The following UBE2L3 variants were observed in gnomAD, a reference collection of about 807,000 sequenced individuals.
The protein encoded by UBE2L3 is ubiquitin conjugating enzyme E2 L3, also known as ubiquitin-conjugating enzyme E2 L3.
UBE2L3 carries 1 observed loss-of-function variant against 17.8 expected under a neutral mutation model. The observed-to-expected ratio is 0.06, with a 90% confidence interval of 0.02 to 0.27. The LOEUF is 0.27. UBE2L3 is among the 10% of genes least tolerant of loss of function. The pLI, the probability that UBE2L3 is intolerant of heterozygous loss-of-function variation, is 1.00. For synonymous variants in UBE2L3, 44 were observed against 68.5 expected, an observed-to-expected ratio of 0.64 and a Z score of 1.76; for missense variants, 40 against 192.6, an observed-to-expected ratio of 0.21 and a Z score of 4.69.
intron 1 of UBE2L3, among the ~76,000 whole-genome samples, chr22:21,574,955 ACT>A (rs61390364): frequency 0.08 from 12,038 of 150,738 alleles, 1,647 homozygotes; most frequent in African/African-American, 0.28. Context: ...ACAGAGTGAG[ACT>A]CTGTCTCAAA....
chr22:21,583,331 C>T (rs1044079029), intron 1 of UBE2L3, among the ~76,000 whole-genome samples: 2 of 152,184 alleles, frequency 1.3e-5, no homozygotes, highest in Admixed American at 6.5e-5. Context: ...AGCAGCGTTT[C>T]TCAGTTCTTT....
chr22:21,605,246 T>TTA (rs1434416868), intron 2 of UBE2L3, among the ~76,000 whole-genome samples: 1 of 152,156 alleles, frequency 6.6e-6, no homozygotes, highest in Non-Finnish European at 1.5e-5. Context: ...TAGGCAGGAG[T>TTA]GCAGTGGTGC....
intron 1 of UBE2L3, among the ~76,000 whole-genome samples, chr22:21,587,663 G>C (rs1928020548): frequency 6.6e-6 from 1 of 152,202 alleles, no homozygotes; most frequent in South Asian, 2.1e-4. Flanking sequence ...ACTGAGCACT[G>C]GCTATATACA....
intron 1 of UBE2L3, among the ~76,000 whole-genome samples, chr22:21,560,010 C>G (rs1229013576): frequency 6.6e-6 from 1 of 152,286 alleles, no homozygotes; most frequent in Non-Finnish European, 1.5e-5. Flanking sequence ...AGCTCTCTGG[C>G]TGGGGCCCCC....
intron 3 of UBE2L3, among the ~76,000 whole-genome samples, chr22:21,616,946 C>T (rs894668864): frequency 6.6e-6 from 1 of 151,830 alleles, no homozygotes; most frequent in African/African-American, 2.4e-5. Context: ...CACGGTGGCT[C>T]ATGTCTGTAA....
At chr22:21,602,655 T>A (rs2148433049) in intron 2 of UBE2L3, among the ~76,000 whole-genome samples, 1 of 152,348 alleles carries the variant, frequency 6.6e-6, no homozygotes, top group Middle Eastern at 3.4e-3. Context: ...GGCAAAGAGC[T>A]TCCTCTTAGT....
At chr22:21,609,062 TTTTTTTTTGTA>T (rs1929335186) in intron 2 of UBE2L3, among the ~76,000 whole-genome samples, 1 of 150,812 alleles carries the variant, frequency 6.6e-6, no homozygotes, top group African/African-American at 2.4e-5. Context: ...GTCCAGCTAA[TTTTTTTTTGTA>T]TTTTTAGTAG....
chr22:21,555,618 C>T (rs1926196931), intron 1 of UBE2L3, among the ~76,000 whole-genome samples: 1 of 151,688 alleles, frequency 6.6e-6, no homozygotes, highest in South Asian at 2.1e-4. Flanking sequence ...GTGCAAGACT[C>T]CATCTCAAAA....
upstream of UBE2L3, among the ~76,000 whole-genome samples, chr22:21,562,736 AC>A (rs1926489291): frequency 7.7e-6 from 1 of 130,454 alleles, no homozygotes; most frequent in African/African-American, 3.0e-5. Context: ...CAATCTCCTG[AC>A]CTCGTGATCC....
intron 1 of UBE2L3, among the ~76,000 whole-genome samples, chr22:21,585,912 C>T (rs1927910129): frequency 6.6e-6 from 1 of 151,960 alleles, no homozygotes; most frequent in Non-Finnish European, 1.5e-5. Context: ...GGGGAAGGGT[C>T]GTCTAGTGCT....
intron 2 of UBE2L3, among the ~76,000 whole-genome samples, chr22:21,594,799 TG>T (rs2148424478): frequency 6.6e-6 from 1 of 152,302 alleles, no homozygotes; most frequent in South Asian, 2.1e-4. Flanking sequence ...GACCTGAAGA[TG>T]GCCGGGACCA....
intron 1 of UBE2L3, chr22:21,568,516 G>A: frequency 3.6e-6 from 3 of 839,904 alleles, no homozygotes; most frequent in Non-Finnish European, 4.3e-6. Flanking sequence ...GATTTCAGTC[G>A]TTCGAATCAA....
intron 1 of UBE2L3, among the ~76,000 whole-genome samples, chr22:21,556,114 C>T (rs1926215826): frequency 6.6e-6 from 1 of 152,234 alleles, no homozygotes; most frequent in African/African-American, 2.4e-5. Context: ...GCCTGTACTC[C>T]TAGAGACTTG....
At chr22:21,621,488 C>T (rs1252946706) in intron 3 of UBE2L3, 27 bp from the exon 4 acceptor site, 1 of 1,588,646 alleles carries the variant, frequency 6.3e-7, no homozygotes, top group South Asian at 1.1e-5. Context: ...TGTGTTAACC[C>T]CCCATGCCTT....
At chr22:21,556,664 G>A (rs1300930668) in intron 1 of UBE2L3, among the ~76,000 whole-genome samples, 1 of 125,942 alleles carries the variant, frequency 7.9e-6, no homozygotes, top group Non-Finnish European at 1.5e-5. Flanking sequence ...GTCTTACCAT[G>A]TTGCCCAGGC....
chr22:21,593,046 T>G, intron 2 of UBE2L3, 90 bp downstream of exon 2: 1 of 1,142,038 alleles, frequency 8.8e-7, no homozygotes, highest in Non-Finnish European at 1.3e-6. Flanking sequence ...CTTAGTAGGC[T>G]CTTAGTCTAG....
At chr22:21,557,214 A>G (rs1278560509) in intron 1 of UBE2L3, among the ~76,000 whole-genome samples, 7 of 152,210 alleles carry the variant, frequency 4.6e-5, no homozygotes, top group African/African-American at 7.2e-5. Context: ...AAAAATTACA[A>G]AATTTAGCCT....
intron 3 of UBE2L3, among the ~76,000 whole-genome samples, chr22:21,611,984 G>C (rs1929505336): frequency 6.6e-6 from 1 of 152,050 alleles, no homozygotes; most frequent in South Asian, 2.1e-4. Flanking sequence ...ACCTTACCAG[G>C]TGCACGCAAA....
Position 21,569,171 on chromosome 22 carries a change from G to A in UBE2L3, c.27+1400G>A, listed in dbSNP as rs543499093. On this transcript the variant is annotated intron_variant, in intron 1 of 3. Transcript: ENST00000342192. ...GCACTCCTGGGAGGCCGAGGCGGGC[G>A]GATCACTTGAGGTCAGGAGTTCAAG... Among the ~76,000 whole-genome samples, 3 of 152,148 alleles carry A rather than the reference G, an allele frequency of 2.0e-5. No individual in the cohort carries two copies. The East Asian group carries it at 5.8e-4, about 29-fold the overall frequency.
Sources: allele counts gnomAD v4.1 joint callset (sites outside exome capture counted in the v4.1 genomes callset), GRCh38; gene constraint gnomAD v4.1.1; transcripts MANE v1.5; gene names NCBI Gene and HGNC (gene_info 2026-07-23, HGNC 2026-07-21).